Variants in LMO7 observed in about 807,000 individuals in gnomAD.
LMO7 encodes LIM domain only protein 7.
LMO7 carries 120 observed loss-of-function variants against 206.5 expected under a neutral mutation model. The observed-to-expected ratio is 0.58, with a 90% confidence interval of 0.50 to 0.68. The LOEUF is 0.68. LMO7 is among the 30% of genes least tolerant of loss of function. The pLI, the probability that LMO7 is intolerant of heterozygous loss-of-function variation, is 0.00. For missense variants in LMO7, 1,959 were observed against 1,957.9 expected, an observed-to-expected ratio of 1.00 and a Z score of -0.01; for synonymous variants, 706 against 681.5, an observed-to-expected ratio of 1.04 and a Z score of -0.56.
At chr13:75,849,422 G>A (rs1389332923) in intron 27 of LMO7, 130 bp downstream of exon 27, 1 of 652,206 alleles carries the variant, frequency 1.5e-6, no homozygotes, top group Non-Finnish European at 2.7e-6. Flanking sequence ...ACTATTATGT[G>A]TCAGTTTACA....
Position 75,680,062 on chromosome 13 carries a change from C to A in LMO7, c.70-33120C>A, listed in dbSNP as rs940863134. On this transcript the variant is annotated intron_variant, in intron 1 of 30. Transcript: ENST00000377534. ...ACTATTTTTCCTGACGATCTCCCTC[C>A]CACAGGCCCCAGTATGTGTTGTTCC... is the stretch of plus-strand genomic sequence containing the variant. Among the ~76,000 whole-genome samples the A allele has an allele frequency of 4.5e-4, 69 of 152,260 alleles. 1 individual carries two copies. Among genetic ancestry groups the A allele is most frequent in the Non-Finnish European group, 1.8e-4 (12 of 68,026 alleles).
At chr13:75,721,707 C>CCA (rs2044032356) in intron 2 of LMO7, among the ~76,000 whole-genome samples, 1 of 152,100 alleles carries the variant, frequency 6.6e-6, no homozygotes, top group African/African-American at 2.4e-5. Flanking sequence ...TTTTCTTTAT[C>CCA]CACTCATTGA....
chr13:75,732,093 A>T (rs2045303010), intron 3 of LMO7, among the ~76,000 whole-genome samples: 1 of 151,676 alleles, frequency 6.6e-6, no homozygotes, highest in Non-Finnish European at 1.5e-5. Context: ...GAATCTGACA[A>T]TTATGTGTCT....
chr13:75,704,937 A>G (rs2042543260), intron 1 of LMO7, among the ~76,000 whole-genome samples: 1 of 152,250 alleles, frequency 6.6e-6, no homozygotes, highest in Non-Finnish European at 1.5e-5. Context: ...TGAAATTTAT[A>G]TACTTGGCAA....
At chr13:75,820,527 A>C (rs2057466460) in intron 13 of LMO7, among the ~76,000 whole-genome samples, 1 of 152,226 alleles carries the variant, frequency 6.6e-6, no homozygotes, top group African/African-American at 2.4e-5. Flanking sequence ...ATAGTGTTTT[A>C]ATTTTAAAAG....
intron 1 of LMO7, among the ~76,000 whole-genome samples, chr13:75,652,121 A>G (rs902711658): frequency 5.3e-5 from 8 of 151,824 alleles, no homozygotes; most frequent in Non-Finnish European, 1.0e-4. Flanking sequence ...CTCCCTGAGG[A>G]TATTATAATA....
chr13:75,649,562 A>G (rs1319325295), intron 1 of LMO7, among the ~76,000 whole-genome samples: 1 of 152,106 alleles, frequency 6.6e-6, no homozygotes, highest in African/African-American at 2.4e-5. Context: ...ATAGATTTGG[A>G]GTGTTGGTGT....
intron 4 of LMO7, among the ~76,000 whole-genome samples, chr13:75,794,190 G>A (rs1399059043): frequency 6.6e-6 from 1 of 152,142 alleles, no homozygotes; most frequent in African/African-American, 2.4e-5. Context: ...GAATTATTAG[G>A]TCATAGAATA....
chr13:75,816,797 TAAAG>T (rs1184252992), intron 11 of LMO7: 5 of 157,626 alleles, frequency 3.2e-5, no homozygotes, highest in South Asian at 2.0e-4. Context: ...AGATAGAAAA[TAAAG>T]AGAGATAATT....
At chr13:75,693,636 T>G (rs1349200807) in intron 1 of LMO7, among the ~76,000 whole-genome samples, 2 of 152,232 alleles carry the variant, frequency 1.3e-5, no homozygotes, top group Non-Finnish European at 2.9e-5. Context: ...AATGCTGGGT[T>G]TCAGACTTCT....
intron 7 of LMO7, among the ~76,000 whole-genome samples, chr13:75,802,908 ACT>A (rs2054950468): frequency 6.6e-6 from 1 of 152,076 alleles, no homozygotes; most frequent in African/African-American, 2.4e-5. Context: ...TTACGTGAAA[ACT>A]CATATCAAGA....
chr13:75,802,736 A>T (rs533350445), intron 7 of LMO7, among the ~76,000 whole-genome samples: 19 of 152,288 alleles, frequency 1.2e-4, no homozygotes, highest in African/African-American at 4.6e-4. Flanking sequence ...TAAGCGGGGA[A>T]AAAAAGCCTG....
At chr13:75,805,880 A>C (rs1056003442) in intron 9 of LMO7, 120 bp downstream of exon 9, 1 of 1,180,458 alleles carries the variant, frequency 8.5e-7, no homozygotes, top group Non-Finnish European at 1.2e-6. Context: ...GTTCTCTAGT[A>C]TCTGCGGAAC....
chr13:75,783,092 C>T (rs1188326685), intron 4 of LMO7, among the ~76,000 whole-genome samples: 1 of 152,072 alleles, frequency 6.6e-6, no homozygotes, highest in Non-Finnish European at 1.5e-5. Context: ...GCTAAGAAAA[C>T]CATTTGTGAT....
intron 1 of LMO7, among the ~76,000 whole-genome samples, chr13:75,707,137 A>T (rs781724180): frequency 2.0e-5 from 3 of 151,358 alleles, no homozygotes; most frequent in Middle Eastern, 3.2e-3. Flanking sequence ...GTTCTTTTAT[A>T]TTAATAAATT....
chr13:75,681,974 G>A (rs750301015), intron 1 of LMO7, among the ~76,000 whole-genome samples: 4 of 151,764 alleles, frequency 2.6e-5, no homozygotes, highest in East Asian at 1.9e-4. Context: ...TTCATCCTAC[G>A]GTTTTTATTT....
intron 4 of LMO7, among the ~76,000 whole-genome samples, chr13:75,781,096 C>CTTTTTTTTTTTTTTTTTTTTTTTTTTTTT (rs367937964): frequency 1.4e-4 from 6 of 41,922 alleles, no homozygotes; most frequent in Non-Finnish European, 1.2e-4. Context: ...CTCTATTTTC[C>CTTTTTTTTTTTTTTTTTTTTTTTTTTTTT]TTTTTTTTTT....
chr13:75,818,275 T>C (rs1221345506), intron 12 of LMO7, among the ~76,000 whole-genome samples: 2 of 152,174 alleles, frequency 1.3e-5, no homozygotes, highest in Admixed American at 1.3e-4. Context: ...AAATGCGCAT[T>C]GCTTTTGTTC....
At chr13:75,836,705 T>A (rs2059159553) in intron 19 of LMO7, among the ~76,000 whole-genome samples, 2 of 152,284 alleles carry the variant, frequency 1.3e-5, no homozygotes, top group South Asian at 4.1e-4. Flanking sequence ...CCTGAGTGCC[T>A]AAGTCAAATA....
Sources: allele counts gnomAD v4.1 joint callset (sites outside exome capture counted in the v4.1 genomes callset), GRCh38; gene constraint gnomAD v4.1.1; transcripts MANE v1.5; gene names NCBI Gene and HGNC (gene_info 2026-07-23, HGNC 2026-07-21).